The following WRN variants were observed in gnomAD, a reference collection of about 807,000 sequenced individuals.
WRN encodes WRN RecQ like helicase, also known as bifunctional 3'-5' exonuclease/ATP-dependent helicase WRN.
Under a neutral mutation model 180.7 loss-of-function variants are expected in WRN, and 149 were observed. The ratio of observed to expected loss-of-function variants is 0.82; its 90% CI spans 0.72 to 0.94. The LOEUF (loss-of-function observed/expected upper bound fraction) is 0.94. WRN is among the 40% of genes least tolerant of loss of function. The probability of loss-of-function intolerance (pLI) is 0.00; values close to 1 mark genes in which losing one functional copy is unlikely to be tolerated. For synonymous variants in WRN, 548 were observed against 568.9 expected (o/e 0.96, Z 0.52); for missense variants, 1,661 against 1,700.1 (o/e 0.98, Z 0.40).
intron 14 of WRN, 56 bp from the exon 15 acceptor site, chr8:31,090,778 T>G: frequency 7.2e-7 from 1 of 1,391,780 alleles, no homozygotes; most frequent in Non-Finnish European, 9.9e-7. Context: ...GCATCAAAGG[T>G]TTATTTTTAT....
At chr8:31,136,229 G>A (rs1181253328) in intron 24 of WRN, among the ~76,000 whole-genome samples, 4 of 152,194 alleles carry the variant, frequency 2.6e-5, no homozygotes, top group African/African-American at 9.6e-5. Context: ...CTGACCTCAA[G>A]TGATCCGCCC....
Position 31,124,512 on chromosome 8 carries a change from TA to T in WRN, c.2631-8del, listed in dbSNP as rs1554529156. On this transcript the variant is annotated splice_polypyrimidine_tract_variant and intron_variant, in intron 21 of 34. Coordinates refer to ENST00000298139, the MANE Select transcript of WRN (RefSeq NM_000553.6). ...GTTTTACATATTCCTGTGATGTTTT[TA>T]ATCGACAGGCACCTTCTTACTGAGA... is the stretch of plus-strand genomic sequence containing the variant. 4 of 1,602,796 alleles carry T rather than the reference TA, an allele frequency of 2.5e-6. No individual in the cohort carries two copies. The highest frequency in any genetic ancestry group is 3.4e-6 in the Non-Finnish European group (4 of 1,170,128).
At chr8:31,170,757 T>C (rs983453537) in intron 34 of WRN, among the ~76,000 whole-genome samples, 2 of 152,182 alleles carry the variant, frequency 1.3e-5, no homozygotes, top group Non-Finnish European at 2.9e-5. Flanking sequence ...CTGGAAGGCG[T>C]TGTTTCTATT....
intron 23 of WRN, among the ~76,000 whole-genome samples, chr8:31,130,259 A>G (rs574289944): frequency 6.6e-6 from 1 of 152,204 alleles, no homozygotes; most frequent in Admixed American, 6.5e-5. Flanking sequence ...TAGAAAAGAA[A>G]ATTAATCAGC....
intron 30 of WRN, among the ~76,000 whole-genome samples, chr8:31,149,506 A>C (rs1166228393): frequency 1.2e-5 from 1 of 84,466 alleles, no homozygotes; most frequent in African/African-American, 5.2e-5. Context: ...ATAGAGTCTC[A>C]CTCTGTCACC....
chr8:31,100,279 T>G (rs1814172156), intron 17 of WRN, among the ~76,000 whole-genome samples: 1 of 152,136 alleles, frequency 6.6e-6, no homozygotes, highest in Admixed American at 6.5e-5. Flanking sequence ...AAAGAACAAA[T>G]AACATTTCTT....
At chr8:31,125,509 A>C (rs2130346745) in intron 23 of WRN, among the ~76,000 whole-genome samples, 2 of 129,818 alleles carry the variant, frequency 1.5e-5, no homozygotes, top group Middle Eastern at 8.3e-3. Context: ...AGGGTTCACC[A>C]GAGAAATAGG....
At chr8:31,137,074 A>G (rs1245694811) in intron 24 of WRN, among the ~76,000 whole-genome samples, 2 of 143,864 alleles carry the variant, frequency 1.4e-5, no homozygotes, top group Non-Finnish European at 3.0e-5. Context: ...TTTTTTTTTT[A>G]ATGTTACTTG....
At chr8:31,161,495 A>G (rs964855923) in intron 33 of WRN, among the ~76,000 whole-genome samples, 1 of 152,186 alleles carries the variant, frequency 6.6e-6, no homozygotes, top group Non-Finnish European at 1.5e-5. Context: ...ATTTGTATAT[A>G]TAAACATAGT....
At chr8:31,161,551 T>A (rs951457599) in intron 33 of WRN, among the ~76,000 whole-genome samples, 1 of 152,030 alleles carries the variant, frequency 6.6e-6, no homozygotes, top group Non-Finnish European at 1.5e-5. Flanking sequence ...AAAGATTTTT[T>A]AAAAAAGCTG....
intron 31 of WRN, among the ~76,000 whole-genome samples, chr8:31,151,880 C>T (rs1803144160): frequency 6.6e-6 from 1 of 150,636 alleles, no homozygotes; most frequent in Non-Finnish European, 1.5e-5. Flanking sequence ...TTTTGTTATT[C>T]ATGAGTTTCA....
In WRN at chr8:31,141,879, C is replaced by A. The variant is rs928636416; in HGVS notation, c.3233+104C>A. 9.0e-6 allele frequency: 10 copies of A among 1,110,086 alleles called. No individual in the cohort carries two copies. The African/African-American group carries it at 1.2e-4, about 14-fold the overall frequency. The allele number at this position is 1,110,086 out of a possible 1,614,324, so 68.8% of individuals were successfully genotyped here. A position where few individuals can be genotyped will look rare whatever the true frequency, so the allele number is the denominator to read the frequency against. ...GGCCTCTCACAAGTAAAATGAATTA[C>A]CTGTTTGTTTTTGTATGCCTATTTT... On this transcript the variant is annotated intron_variant, in intron 26 of 34. Coordinates refer to ENST00000298139, the MANE Select transcript of WRN (RefSeq NM_000553.6).
chr8:31,041,725 A>AT (rs1190378645), intron 1 of WRN, among the ~76,000 whole-genome samples: 1 of 152,136 alleles, frequency 6.6e-6, no homozygotes, highest in Non-Finnish European at 1.5e-5. Flanking sequence ...GGAGGGGAGG[A>AT]TAGTAAATAG....
intron 8 of WRN, among the ~76,000 whole-genome samples, chr8:31,078,654 G>C (rs1813186677): frequency 6.6e-6 from 1 of 152,164 alleles, no homozygotes; most frequent in South Asian, 2.1e-4. Flanking sequence ...GGACTCTGAA[G>C]GTATTGGCAG....
intron 24 of WRN, among the ~76,000 whole-genome samples, chr8:31,133,590 G>A (rs972229519): frequency 7.2e-5 from 11 of 151,762 alleles, no homozygotes; most frequent in African/African-American, 2.7e-4. Context: ...GAAATATATT[G>A]AAAACTTCTG....
chr8:31,084,944 G>A (rs1373723593), intron 10 of WRN, among the ~76,000 whole-genome samples: 1 of 151,908 alleles, frequency 6.6e-6, no homozygotes, highest in African/African-American at 2.4e-5. Flanking sequence ...ATCTAACTTT[G>A]TATTCCTATT....
intron 24 of WRN, among the ~76,000 whole-genome samples, chr8:31,137,326 T>C (rs1483375069): frequency 6.6e-6 from 1 of 152,112 alleles, no homozygotes; most frequent in East Asian, 1.9e-4. Flanking sequence ...TTTATGCTTA[T>C]GAAAGGAAAA....
At chr8:31,135,257 C>T (rs1467410136) in intron 24 of WRN, among the ~76,000 whole-genome samples, 1 of 151,776 alleles carries the variant, frequency 6.6e-6, no homozygotes, top group Non-Finnish European at 1.5e-5. Flanking sequence ...GGGGTCTCCC[C>T]ATGTTGCCCT....
chr8:31,077,752 A>C (rs1358358995), intron 8 of WRN, among the ~76,000 whole-genome samples: 1 of 152,258 alleles, frequency 6.6e-6, no homozygotes, highest in Non-Finnish European at 1.5e-5. Context: ...GTCAATTAAA[A>C]TATAGAGACA....
Sources: gnomAD v4.1 joint callset for allele counts (sites outside exome capture counted in the v4.1 genomes callset) on GRCh38, gnomAD v4.1.1 for gene constraint, MANE v1.5 for transcripts, NCBI Gene and HGNC (gene_info 2026-07-23, HGNC 2026-07-21) for gene names.